Variants in SATB1 observed in about 807,000 individuals in gnomAD.
The protein encoded by SATB1 is SATB homeobox 1.
SATB1 carries 11 observed loss-of-function variants against 86.9 expected under a neutral mutation model. The observed-to-expected ratio is 0.13, with a 90% CI of 0.08 to 0.21. SATB1 has a LOEUF of 0.21. Among genes scored for constraint, SATB1 ranks in the 10% least tolerant of loss-of-function variants. The pLI is 1.00. For synonymous variants in SATB1, 357 were observed against 357.2 expected (o/e 1.00, Z 0.01); for missense variants, 551 against 937.6 (o/e 0.59, Z 5.39).
intron 7 of SATB1, among the ~76,000 whole-genome samples, chr3:18,388,526 T>C (rs1479299806): frequency 6.6e-6 from 1 of 152,084 alleles, no homozygotes; most frequent in Non-Finnish European, 1.5e-5. Context: ...ACTTTCATCA[T>C]CCCAGCACAA....
rs137899987 is a variant in SATB1, at chr3:18,382,687, T to C, written c.1419+3712A>G. On this transcript the variant is annotated intron_variant, in intron 8 of 10. Transcript: ENST00000338745. The stretch of plus-strand genomic sequence containing the variant: ...TCTCCCCACAATCCCAGAAATGCCA[T>C]TGTCTAGTTTTCCCAACTGGATAAT... 4.0e-4 allele frequency among the ~76,000 whole-genome samples: 61 copies of C among 152,348 alleles called. No individual in the cohort carries two copies. The East Asian group carries it at 9.8e-3, about 25-fold the overall frequency.
chr3:18,397,305 G>T lies in SATB1; in HGVS notation c.640-15C>A. The stretch of plus-strand genomic sequence containing the variant: ...GAAATCATACTCTGCATGAAGAAGG[G>T]GGGAGAATATTTGTAATACACAGCA... On this transcript the variant is annotated splice_polypyrimidine_tract_variant and intron_variant, in intron 5 of 10. Coordinates refer to ENST00000338745, the MANE Select transcript of SATB1 (RefSeq NM_002971.6). The T allele has an allele frequency of 4.3e-6, 6 of 1,395,644 alleles. No individual in the cohort carries two copies. In the South Asian group the frequency reaches 4.6e-5, roughly 11 times the overall value. 86.5% of individuals were successfully genotyped at this position (1,395,644 alleles called of 1,614,324 possible). A position where few individuals can be genotyped will look rare whatever the true frequency, so the allele number is the denominator to read the frequency against.
At chr3:18,406,580 A>G (rs187395174) in intron 5 of SATB1, among the ~76,000 whole-genome samples, 272 of 152,150 alleles carry the variant, frequency 1.8e-3, no homozygotes, top group Non-Finnish European at 3.3e-3. Flanking sequence ...GCTTGCCCTT[A>G]ACTGTGATGT....
rs117759970 is a variant in SATB1, at chr3:18,375,559, G to C, written c.1575+2611C>G. Among the ~76,000 whole-genome samples the C allele has an allele frequency of 5.8e-4, 89 of 152,212 alleles. 5 individuals are homozygous for C. The East Asian group carries it at 0.017, about 29-fold the overall frequency. Reference sequence around the variant, plus strand: ...TGAGGCCTAAATATCTATTTTAGAAGTGCAATATTTTGACCATTAAAAAGG... The same window carrying C: ...TGAGGCCTAAATATCTATTTTAGAACTGCAATATTTTGACCATTAAAAAGG... On this transcript the variant is annotated intron_variant, in intron 9 of 10. Coordinates refer to ENST00000338745, the MANE Select transcript of SATB1 (RefSeq NM_002971.6).
At chr3:18,392,435 T>C (rs1398577077) in intron 7 of SATB1, among the ~76,000 whole-genome samples, 7 of 152,304 alleles carry the variant, frequency 4.6e-5, no homozygotes, top group African/African-American at 1.7e-4. Flanking sequence ...AACTTTATCC[T>C]CACTTCTCTG....
chr3:18,403,467 C>G (rs1697368482), intron 5 of SATB1, among the ~76,000 whole-genome samples: 1 of 152,002 alleles, frequency 6.6e-6, no homozygotes, highest in Admixed American at 6.6e-5. Context: ...TCTAGAGAGA[C>G]AGCAAGGGAA....
chr3:18,417,299 G>A (rs1698167943), intron 2 of SATB1: 3 of 580,590 alleles, frequency 5.2e-6, no homozygotes, highest in Admixed American at 3.5e-5. Flanking sequence ...ATATGAACTT[G>A]GTCCTAAGGT....
chr3:18,416,373 C>T (rs1698112872), intron 3 of SATB1, among the ~76,000 whole-genome samples: 1 of 152,030 alleles, frequency 6.6e-6, no homozygotes, highest in African/African-American at 2.4e-5. Context: ...AAAACCCCAT[C>T]AATAAAACCT....
At position 18,402,008 on chromosome 3, in the gene SATB1, T is replaced by C. The variant is rs182801338; in HGVS notation, c.640-4718A>G. Among the ~76,000 whole-genome samples, 26 of 152,226 alleles carry C rather than the reference T, an allele frequency of 1.7e-4. No individual in the cohort carries two copies. In the East Asian group the frequency reaches 2.5e-3, roughly 15 times the overall value. On this transcript the variant is annotated intron_variant, in intron 5 of 10. Transcript: ENST00000338745. ...ATTTTTCTAAAGCCTAACTTAAAGA[T>C]AGATAGAACATTCTGAACCTTTGCT...
In SATB1 at chr3:18,394,959, T is replaced by C. The variant is rs890004500; in HGVS notation, c.752-43A>G. 14 of 1,400,368 alleles carry C rather than the reference T, an allele frequency of 1.0e-5. No individual in the cohort carries two copies. The Admixed American group carries it at 1.1e-4, about 11-fold the overall frequency. The allele number at this position is 1,400,368 out of a possible 1,614,324, so 86.7% of individuals were successfully genotyped here. ...TAAAATCACATTCAGCCAACAATGA[T>C]TGGCATTGATAAAGATTTCTAACCA... On this transcript the variant is annotated intron_variant, in intron 6 of 10. Coordinates refer to ENST00000338745, the MANE Select transcript of SATB1 (RefSeq NM_002971.6). The surrounding 1 kb of genome is among the most constrained non-coding windows in gnomAD (Gnocchi z 5.9).
chr3:18,393,061 C>T (rs981004190), intron 7 of SATB1, among the ~76,000 whole-genome samples: 5 of 151,192 alleles, frequency 3.3e-5, no homozygotes, highest in South Asian at 2.1e-4. Flanking sequence ...AGTTAAGGCA[C>T]GCCAAAAATA....
upstream of SATB1, among the ~76,000 whole-genome samples, chr3:18,427,874 C>T (rs1457046545): frequency 6.6e-6 from 1 of 151,994 alleles, no homozygotes; most frequent in Non-Finnish European, 1.5e-5. Flanking sequence ...ATTTTTTATT[C>T]CAGAACTATA....
In SATB1 at chr3:18,380,570, AG is replaced by A. The variant is rs1338690495; in HGVS notation, c.1420-2246del. 5.3e-5 allele frequency among the ~76,000 whole-genome samples: 8 copies of A among 152,242 alleles called. No homozygotes were observed. In the East Asian group the frequency reaches 1.5e-3, roughly 29 times the overall value. ...ACAAGAAATATTTTTTTTTAAAAAA[AG>A]AATGTGAGGGTGAAACTTTAACAAT... On this transcript the variant is annotated intron_variant, in intron 8 of 10. Transcript: ENST00000338745.
intron 1 of SATB1, among the ~76,000 whole-genome samples, chr3:18,437,505 T>C (rs1224751898): frequency 4.6e-5 from 7 of 152,274 alleles, no homozygotes; most frequent in Admixed American, 2.0e-4. Flanking sequence ...GTTGTTAATA[T>C]ATAGTTAACA....
rs1020489360 is a variant in SATB1 at position 18,425,267 on chromosome 3, CCGCCGCCCGG to C, written c.-1675_-1666del. Reference sequence around the variant, plus strand: ...CACGCAGCCTCCTCCCGGCCGCCCGCCGCCGCCCGGAGCCTTCCCCAGCGGGGCCGGCTCA... The same window carrying C: ...CACGCAGCCTCCTCCCGGCCGCCCGCAGCCTTCCCCAGCGGGGCCGGCTCA... On this transcript the variant is annotated 5_prime_UTR_variant, in exon 1 of 11. It removes the in-frame stop codon of an upstream open reading frame in the 5' UTR. Transcript: ENST00000338745. The C allele has an allele frequency of 1.3e-5, 2 of 154,502 alleles. No homozygotes were observed. Among genetic ancestry groups the C allele is most frequent in the African/African-American group, 4.8e-5 (2 of 41,430 alleles). 9.6% of individuals were successfully genotyped at this position (154,502 alleles called of 1,614,324 possible).
intron 5 of SATB1, among the ~76,000 whole-genome samples, chr3:18,401,122 C>A (rs980263956): frequency 2.6e-5 from 4 of 152,184 alleles, no homozygotes; most frequent in African/African-American, 9.6e-5. Flanking sequence ...TGCAGCAGAG[C>A]ACTCATCCTG....
At chr3:18,356,079 T>C (rs1456333583) in intron 9 of SATB1, among the ~76,000 whole-genome samples, 1 of 151,816 alleles carries the variant, frequency 6.6e-6, no homozygotes, top group Non-Finnish European at 1.5e-5. Context: ...ATCACAGTGC[T>C]CCCCCTATTA....
In SATB1 at chr3:18,345,399, ATTTT is replaced by A. The variant is rs1694003494; in HGVS notation, c.*3767_*3770del. ...ATCTTTTAAACATTAATTTCAAACT[ATTTT>A]TATTTAACATTTGGTATTGTTAAAC... On this transcript the variant is annotated 3_prime_UTR_variant, in exon 11 of 11. Coordinates refer to ENST00000338745, the MANE Select transcript of SATB1 (RefSeq NM_002971.6). The A allele has an allele frequency of 6.6e-6, 1 of 152,090 alleles. No homozygotes were observed. Among genetic ancestry groups the A allele is most frequent in the South Asian group, 2.1e-4 (1 of 4,832 alleles). 9.4% of individuals were successfully genotyped at this position (152,090 alleles called of 1,614,324 possible). A position where few individuals can be genotyped will look rare whatever the true frequency, so the allele number is the denominator to read the frequency against.
intron 9 of SATB1, among the ~76,000 whole-genome samples, chr3:18,364,005 C>T (rs1209247143): frequency 6.6e-6 from 1 of 152,144 alleles, no homozygotes; most frequent in African/African-American, 2.4e-5. Flanking sequence ...ATCATTGTTA[C>T]CTCTGTTTAC....
Sources: gnomAD v4.1 joint callset for allele counts (sites outside exome capture counted in the v4.1 genomes callset) on GRCh38, gnomAD v4.1.1 for gene constraint, Gnocchi (gnomAD v3.1) non-coding constraint, MANE v1.5 for transcripts, NCBI Gene and HGNC (gene_info 2026-07-23, HGNC 2026-07-21) for gene names.